TRIML2: variants seen among roughly 807,000 people sequenced by gnomAD.
TRIML2 encodes the protein tripartite motif family like 2.
In TRIML2, 28 loss-of-function variants were observed where a neutral mutation model predicts 31.2. That is an observed-to-expected ratio of 0.90 (90% CI 0.66 to 1.23). The LOEUF is 1.23. Among genes scored for constraint, TRIML2 ranks in the 50% most tolerant of loss-of-function variants. TRIML2 has a pLI of 0.00. For missense variants in TRIML2, 536 were observed against 528.3 expected, an observed-to-expected ratio of 1.01 and a Z score of -0.14; for synonymous variants, 187 against 197.5, an observed-to-expected ratio of 0.95 and a Z score of 0.45.
At chr4:188,101,598 G>A (rs1733793559) in intron 3 of TRIML2, among the ~76,000 whole-genome samples, 1 of 151,984 alleles carries the variant, frequency 6.6e-6, no homozygotes, top group East Asian at 1.9e-4. Context: ...GAAGGCTAAG[G>A]CAGGAGAATC....
chr4:188,103,891 C>T (rs1156524703), intron 3 of TRIML2, among the ~76,000 whole-genome samples: 2 of 152,040 alleles, frequency 1.3e-5, no homozygotes, highest in African/African-American at 2.4e-5. Context: ...AAAATCCTTA[C>T]CTAGCCAGGC....
At chr4:188,099,942 T>G (rs202048758) in intron 4 of TRIML2, among the ~76,000 whole-genome samples, 1 of 120,658 alleles carries the variant, frequency 8.3e-6, no homozygotes, top group Non-Finnish European at 1.6e-5. Context: ...ACTTTACATA[T>G]ACTGCGTAGT....
At chr4:188,099,920 C>T (rs551257387) in intron 4 of TRIML2, among the ~76,000 whole-genome samples, 16 of 150,198 alleles carry the variant, frequency 1.1e-4, no homozygotes, top group Non-Finnish European at 2.1e-4. Context: ...TTCTTTTTAT[C>T]CTTCCAAGTA....
rs1341227325 is a variant in TRIML2, at chr4:188,099,066, T to C, written c.590A>G (p.Lys197Arg). ...CAATGCCAAGGTGCCTTCCCCACAC[T>C]TTTTCTCAAGCTCCACGATGAGCTT... is the stretch of plus-strand genomic sequence containing the variant. ...LLKLIVELEK[K>R]CGEGTLALLK... The change falls in exon 5 of 8, where the codon AAG becomes AGG. Residue 197 changes from lysine to arginine, a missense_variant. By Grantham distance (26) the Lys-to-Arg change is conservative (BLOSUM62 2). Transcript: ENST00000682553. 1.2e-6 allele frequency: 2 copies of C among 1,614,140 alleles called. No homozygotes were observed. The highest frequency in any genetic ancestry group is 1.7e-6 in the Non-Finnish European group (2 of 1,180,008).
In TRIML2 at chr4:188,098,982, C is replaced by T; in HGVS notation, c.621+53G>A. ...AACCCCTAATGAGTACTGTCCACTTCTCATTTCTCAAATACTGGAATGAAT... is the reference window on the plus strand; with the variant it reads ...AACCCCTAATGAGTACTGTCCACTTTTCATTTCTCAAATACTGGAATGAAT... On this transcript the variant is annotated intron_variant, in intron 5 of 7. Coordinates refer to ENST00000682553, the MANE Select transcript of TRIML2 (RefSeq NM_173553.4). 2.5e-6 allele frequency: 4 copies of T among 1,604,568 alleles called. No homozygotes were observed. The South Asian group carries it at 3.3e-5, about 13-fold the overall frequency.
intron 7 of TRIML2, among the ~76,000 whole-genome samples, chr4:188,092,544 C>T (rs1733314496): frequency 6.6e-6 from 1 of 152,110 alleles, no homozygotes; most frequent in African/African-American, 2.4e-5. Flanking sequence ...AAGTTCCATC[C>T]AGATATCACT....
rs1579174447 is a variant in TRIML2 at position 188,099,051 on chromosome 4, G to A, written c.605C>T (p.Thr202Ile). 4 of 1,614,062 alleles carry A rather than the reference G, an allele frequency of 2.5e-6. No individual in the cohort carries two copies. The highest frequency in any genetic ancestry group is 3.4e-6 in the Non-Finnish European group (4 of 1,180,012). Residue 202 changes from threonine to isoleucine, a missense_variant, in exon 5 of 8, where the codon ACC becomes ATC. Transcript: ENST00000682553. ...GCATCTTACCTTGAGCAATGCCAAG[G>A]TGCCTTCCCCACACTTTTTCTCAAG... is the stretch of plus-strand genomic sequence containing the variant. ...VELEKKCGEG[T>I]LALLKNAKYS...
rs763513446 is a variant in TRIML2, at chr4:188,091,697, G to C, written c.990C>G (p.Ser330Arg). 3.1e-6 allele frequency: 5 copies of C among 1,613,238 alleles called. No homozygotes were observed. In the Admixed American group the frequency reaches 8.3e-5, roughly 27 times the overall value. The change falls in exon 8 of 8, where the codon AGC becomes AGG. Residue 330 changes from serine to arginine, a missense_variant. Coordinates refer to ENST00000682553, the MANE Select transcript of TRIML2 (RefSeq NM_173553.4). The stretch of plus-strand genomic sequence containing the variant: ...CTTTCTCTCCGGAAGCTCTGGCCGT[G>C]CTGCCCTTCGCGTCTGCAGAGCCGT... ...IYHGSADAKGSTARASGEKVL... is the reference protein window; with the variant it reads ...IYHGSADAKGRTARASGEKVL...
intron 4 of TRIML2, 53 bp downstream of exon 4, chr4:188,101,003 G>T: frequency 6.7e-7 from 1 of 1,497,910 alleles, no homozygotes; most frequent in East Asian, 2.3e-5. Flanking sequence ...ATAATGTTTA[G>T]CTCTTCTTTT....
chr4:188,093,931 C>T (rs1733381169), intron 7 of TRIML2, among the ~76,000 whole-genome samples: 1 of 151,728 alleles, frequency 6.6e-6, no homozygotes, highest in Admixed American at 6.6e-5. Flanking sequence ...AGTGAAACCC[C>T]GTATCTACTA....
At chr4:188,095,242 A>C (rs1449364824) in intron 7 of TRIML2, among the ~76,000 whole-genome samples, 1 of 152,326 alleles carries the variant, frequency 6.6e-6, no homozygotes, top group Middle Eastern at 3.4e-3. Flanking sequence ...ATAAGACACA[A>C]AAAGCAGAAG....
At position 188,106,283 on chromosome 4, in the gene TRIML2, C is replaced by A. The variant is rs970984512; in HGVS notation, c.-222-693G>T. On this transcript the variant is annotated intron_variant, in intron 1 of 7. Coordinates refer to ENST00000682553, the MANE Select transcript of TRIML2 (RefSeq NM_173553.4). ...AGCCAGGATGGTCTCGATCTCCTGA[C>A]CTCGTGATCCACCCGCCTCGGCCTC... Among the ~76,000 whole-genome samples the A allele has an allele frequency of 7.9e-5, 12 of 152,148 alleles. 1 individual carries two copies. The highest frequency in any genetic ancestry group is 8.8e-5 in the Non-Finnish European group (6 of 68,024).
rs769432819 is a variant in TRIML2, at chr4:188,104,824, A to G, written c.285+13T>C. The G allele has an allele frequency of 6.2e-7, 1 of 1,601,094 alleles. No individual in the cohort carries two copies. The highest frequency in any genetic ancestry group is 8.6e-7 in the Non-Finnish European group (1 of 1,168,288). On this transcript the variant is annotated intron_variant, in intron 3 of 7. Coordinates refer to ENST00000682553, the MANE Select transcript of TRIML2 (RefSeq NM_173553.4). ...TAATTTCCCCCCAAGAATCAAGATA[A>G]GCACTCACTGACCTGAATCATCGCC...
chr4:188,094,278 A>C (rs1364106314), intron 7 of TRIML2, among the ~76,000 whole-genome samples: 2 of 152,164 alleles, frequency 1.3e-5, no homozygotes, highest in African/African-American at 4.8e-5. Context: ...GAGCCAGTAT[A>C]ATAAGGCAAG....
chr4:188,101,549 C>G (rs1413772403), intron 3 of TRIML2, among the ~76,000 whole-genome samples: 1 of 151,394 alleles, frequency 6.6e-6, no homozygotes, highest in Admixed American at 6.6e-5. Flanking sequence ...CAAAAATTAG[C>G]TGGGCGTGGT....
chr4:188,099,594 A>G (rs1733682228), intron 4 of TRIML2, among the ~76,000 whole-genome samples: 2 of 151,170 alleles, frequency 1.3e-5, no homozygotes, highest in Non-Finnish European at 2.9e-5. Context: ...AAACCAAAAA[A>G]AAAAAAACCC....
At chr4:188,098,248 A>C in intron 5 of TRIML2, 1 of 455,712 alleles carries the variant, frequency 2.2e-6, no homozygotes. Context: ...CATTTCTCGC[A>C]GTTCTGGAGG....
chr4:188,103,005 GTTT>G (rs145048322), intron 3 of TRIML2, among the ~76,000 whole-genome samples: 13,983 of 97,484 alleles, frequency 0.14, 1,027 homozygotes, highest in South Asian at 0.29. Context: ...TACTCTCTTG[GTTT>G]TTTTTTTTTT....
At position 188,105,430 on chromosome 4, in the gene TRIML2, CTGTG is replaced by C; in HGVS notation, c.-66_-63del. On this transcript the variant is annotated 5_prime_UTR_variant, in exon 2 of 8. Transcript: ENST00000682553. ...GCTTCTACTGAGGTATCTCCCTGCA[CTGTG>C]AATGAGAAAAAATGGTGGCTTCCTT... 2 of 1,261,070 alleles carry C rather than the reference CTGTG, an allele frequency of 1.6e-6. No homozygotes were observed. The highest frequency in any genetic ancestry group is 2.1e-6 in the Non-Finnish European group (2 of 950,506). The allele number at this position is 1,261,070 out of a possible 1,614,324, so 78.1% of individuals were successfully genotyped here. A position where few individuals can be genotyped will look rare whatever the true frequency, so the allele number is the denominator to read the frequency against.
Sources: allele counts gnomAD v4.1 joint callset (sites outside exome capture counted in the v4.1 genomes callset), GRCh38; gene constraint gnomAD v4.1.1; transcripts MANE v1.5; gene names NCBI Gene and HGNC (gene_info 2026-07-23, HGNC 2026-07-21).